The following MRPL3 variants were observed in gnomAD, a reference collection of about 807,000 sequenced individuals.
MRPL3 encodes large ribosomal subunit protein uL3m.
Under a neutral mutation model 44.3 loss-of-function variants are expected in MRPL3, and 43 were observed. The observed-to-expected ratio is 0.97, with a 90% confidence interval of 0.76 to 1.25. The LOEUF (loss-of-function observed/expected upper bound fraction) is 1.25, where lower values mean the gene tolerates loss of function less well. Ranked by LOEUF, MRPL3 falls within the 50% of genes most tolerant of loss-of-function variation. The pLI is 0.00. For missense variants in MRPL3, 406 were observed against 427.6 expected (o/e 0.95, Z 0.45); for synonymous variants, 171 against 152.3 (o/e 1.12, Z -0.91).
intron 6 of MRPL3, among the ~76,000 whole-genome samples, chr3:131,483,923 A>C (rs1264007299): frequency 6.6e-6 from 1 of 152,224 alleles, no homozygotes; most frequent in Non-Finnish European, 1.5e-5. Context: ...AAGATTGATA[A>C]TTAAAATACA....
intron 4 of MRPL3, among the ~76,000 whole-genome samples, chr3:131,492,073 A>C (rs913326906): frequency 3.2e-4 from 49 of 152,086 alleles, no homozygotes; most frequent in African/African-American, 1.1e-3. Flanking sequence ...CTCTGTCTAG[A>C]ATGCTTTTCT....
At chr3:131,466,122 G>A (rs1933596420) in intron 9 of MRPL3, among the ~76,000 whole-genome samples, 5 of 151,810 alleles carry the variant, frequency 3.3e-5, no homozygotes, top group Admixed American at 3.3e-4. Context: ...TAAGTGAAGT[G>A]TCTCAGAAAG....
rs779568239 is a variant in MRPL3 at position 131,471,248 on chromosome 3, T to C, written c.661A>G (p.Arg221Gly). ...IGKGFQGVMK[R>G]WGFKGQPATH... ...GCAGGCTGGCCTTTAAATCCCCATC[T>C]TTTCATGACACCTTGAAAACCTTTA... Residue 221 changes from arginine to glycine, a missense_variant, in exon 7 of 10, where the codon AGA becomes GGA. Coordinates refer to ENST00000264995, the MANE Select transcript of MRPL3 (RefSeq NM_007208.4). The C allele has an allele frequency of 6.2e-7, 1 of 1,613,352 alleles. No homozygotes were observed. The highest frequency in any genetic ancestry group is 1.1e-5 in the South Asian group (1 of 91,078).
intron 9 of MRPL3, among the ~76,000 whole-genome samples, chr3:131,467,043 T>C (rs1198266478): frequency 6.6e-5 from 10 of 152,140 alleles, no homozygotes; most frequent in Non-Finnish European, 1.5e-4. Flanking sequence ...TCTACTTCTA[T>C]GAAATCAACT....
chr3:131,481,646 T>C (rs1343677081), intron 6 of MRPL3, among the ~76,000 whole-genome samples: 5 of 152,204 alleles, frequency 3.3e-5, no homozygotes, highest in East Asian at 1.9e-4. Flanking sequence ...GAGGCAACTA[T>C]AGATGACCAC....
intron 6 of MRPL3, among the ~76,000 whole-genome samples, chr3:131,477,879 C>A (rs1933891084): frequency 6.6e-6 from 1 of 152,164 alleles, no homozygotes; most frequent in Admixed American, 6.5e-5. Flanking sequence ...CCGCTCCTTT[C>A]CATTGTCATC....
intron 1 of MRPL3, 84 bp from the exon 2 acceptor site, chr3:131,501,799 G>C: frequency 2.5e-6 from 4 of 1,591,322 alleles, no homozygotes; most frequent in Middle Eastern, 1.7e-4. Context: ...TCACAAATTG[G>C]AAAGTGTAGT....
At chr3:131,484,458 T>TA (rs1295966080) in intron 6 of MRPL3, among the ~76,000 whole-genome samples, 1 of 152,148 alleles carries the variant, frequency 6.6e-6, no homozygotes, top group Non-Finnish European at 1.5e-5. Flanking sequence ...ATCACTCCCT[T>TA]AACCATGGCA....
chr3:131,497,978 AG>A, intron 4 of MRPL3, 200 bp downstream of exon 4: 1 of 573,636 alleles, frequency 1.7e-6, no homozygotes, highest in Non-Finnish European at 3.1e-6. Context: ...TTCCAGATAC[AG>A]GGAGAGGTAT....
chr3:131,484,096 A>T (rs1263873208), intron 6 of MRPL3, among the ~76,000 whole-genome samples: 1 of 152,186 alleles, frequency 6.6e-6, no homozygotes, highest in East Asian at 1.9e-4. Context: ...ATTACATTAA[A>T]CTTGCTTGCT....
rs547309516 is a variant in MRPL3 at position 131,489,480 on chromosome 3, A to G, written c.568+501T>C. On this transcript the variant is annotated intron_variant, in intron 5 of 9. Transcript: ENST00000264995. Reference sequence around the variant, plus strand: ...TCTGAAGTTCAGACATCAAAATGTTATATTTTGCTAACCATATGAGCCAAT... The same window carrying G: ...TCTGAAGTTCAGACATCAAAATGTTGTATTTTGCTAACCATATGAGCCAAT... Among the ~76,000 whole-genome samples the G allele has an allele frequency of 1.4e-4, 21 of 152,262 alleles. No individual in the cohort carries two copies. In the South Asian group the frequency reaches 3.5e-3, roughly 26 times the overall value.
chr3:131,502,290 T>G (rs1934516132), intron 1 of MRPL3, among the ~76,000 whole-genome samples: 1 of 152,228 alleles, frequency 6.6e-6, no homozygotes, highest in Non-Finnish European at 1.5e-5. Flanking sequence ...CAGTCTACTC[T>G]CCTTTTGTAG....
chr3:131,489,936 T>C, intron 5 of MRPL3, 45 bp downstream of exon 5: 1 of 1,187,498 alleles, frequency 8.4e-7, no homozygotes, highest in South Asian at 1.2e-5. Flanking sequence ...ACAAATTGCA[T>C]ATTTGGGTAT....
chr3:131,470,252 T>A (rs1408923016), intron 7 of MRPL3, among the ~76,000 whole-genome samples: 1 of 152,164 alleles, frequency 6.6e-6, no homozygotes, highest in Admixed American at 6.6e-5. Context: ...GAGTTAGTTA[T>A]CAGAATACTA....
intron 3 of MRPL3, among the ~76,000 whole-genome samples, chr3:131,499,780 A>T (rs535268760): frequency 6.6e-6 from 1 of 152,302 alleles, no homozygotes; most frequent in South Asian, 2.1e-4. Flanking sequence ...TAAAGACAAT[A>T]GTAGCTAATA....
rs755964771 is a variant in MRPL3 at position 131,502,903 on chromosome 3, G to T, written c.-82C>A. 2.3e-6 allele frequency: 3 copies of T among 1,280,660 alleles called. No individual in the cohort carries two copies. The highest frequency in any genetic ancestry group is 1.9e-5 in the Admixed American group (1 of 52,452). 79.3% of individuals were successfully genotyped at this position (1,280,660 alleles called of 1,614,324 possible). A position where few individuals can be genotyped will look rare whatever the true frequency, so the allele number is the denominator to read the frequency against. On this transcript the variant is annotated 5_prime_UTR_variant, in exon 1 of 10. Transcript: ENST00000264995. ...CAGGGAGTCCCCACGCCACCGCCAC[G>T]TGGACGCAGTAGCCGTGGGGAAGTT...
intron 3 of MRPL3, among the ~76,000 whole-genome samples, chr3:131,500,133 T>C (rs1934461590): frequency 1.3e-5 from 2 of 152,296 alleles, no homozygotes; most frequent in Non-Finnish European, 2.9e-5. Flanking sequence ...AAAATGGGAT[T>C]GAGATTTTTT....
At chr3:131,488,706 T>G (rs968251126) in intron 5 of MRPL3, 5 of 152,086 alleles carry the variant, frequency 3.3e-5, no homozygotes, top group Non-Finnish European at 7.4e-5. Flanking sequence ...TAGTTATAGT[T>G]TATTTAATAC....
intron 4 of MRPL3, among the ~76,000 whole-genome samples, chr3:131,494,151 C>T (rs1433644515): frequency 2.0e-5 from 3 of 152,216 alleles, no homozygotes. Flanking sequence ...TGCCAAGAAG[C>T]TCTACTTTGA....
Sources: gnomAD v4.1 joint callset for allele counts (sites outside exome capture counted in the v4.1 genomes callset) on GRCh38, gnomAD v4.1.1 for gene constraint, MANE v1.5 for transcripts, NCBI Gene and HGNC (gene_info 2026-07-23, HGNC 2026-07-21) for gene names.